NUP188: variants seen among roughly 807,000 people sequenced by gnomAD.
NUP188 encodes nucleoporin 188.
NUP188 carries 97 observed loss-of-function variants against 223.0 expected under a neutral mutation model. That is an observed-to-expected ratio of 0.43 (90% CI 0.37 to 0.51). NUP188 has a LOEUF of 0.51. Ranked by LOEUF, NUP188 falls within the 20% of genes least tolerant of loss-of-function variation. NUP188 has a pLI of 0.00. For missense variants in NUP188, 1,947 were observed against 2,175.6 expected (o/e 0.89, Z 2.09); for synonymous variants, 869 against 828.0 (o/e 1.05, Z -0.85).
At chr9:128,961,147 C>T (rs1308799835) in intron 8 of NUP188, among the ~76,000 whole-genome samples, 1 of 149,546 alleles carries the variant, frequency 6.7e-6, no homozygotes, top group Non-Finnish European at 1.5e-5. Flanking sequence ...TGGTGAAGCC[C>T]TGTCTCTAGT....
In NUP188 at chr9:128,999,783, G is replaced by C. The variant is rs141848819; in HGVS notation, c.3821G>C (p.Arg1274Pro). ...GAGACTGACGACTGTTCTCGGTCCCGGCACAGGGACCAGCGTGATGGGGTG... is the reference window on the plus strand; with the variant it reads ...GAGACTGACGACTGTTCTCGGTCCCCGCACAGGGACCAGCGTGATGGGGTG... ...SMETDDCSRS[R>P]HRDQRDGVCV... Residue 1274 changes from arginine to proline, a missense_variant, in exon 34 of 44, where the codon CGG (arginine) becomes CCG (proline). Around this residue, in one of 3 missense-constraint regions of NUP188, gnomAD observed 905 missense variants for 990.6 expected, o/e 0.91. Transcript: ENST00000372577. 3 of 1,614,062 alleles carry C rather than the reference G, an allele frequency of 1.9e-6. No individual in the cohort carries two copies. The highest frequency in any genetic ancestry group is 1.7e-6 in the Non-Finnish European group (2 of 1,180,036).
intron 12 of NUP188, among the ~76,000 whole-genome samples, chr9:128,979,026 C>T (rs1842218511): frequency 6.6e-6 from 1 of 152,108 alleles, no homozygotes. Context: ...CAATTCTTAA[C>T]CAGTTTTTTC....
At chr9:128,968,364 G>T (rs906954549) in intron 8 of NUP188, 142 bp from the exon 9 acceptor site, 3 of 642,226 alleles carry the variant, frequency 4.7e-6, no homozygotes, top group East Asian at 2.7e-5. Flanking sequence ...TCAGTTGCGT[G>T]TAGCAGTTTG....
intron 3 of NUP188, among the ~76,000 whole-genome samples, chr9:128,955,309 A>T (rs1841853684): frequency 6.6e-6 from 1 of 152,178 alleles, no homozygotes; most frequent in East Asian, 1.9e-4. Context: ...TTTGGAAGTG[A>T]GTACTAAATA....
Position 128,956,360 on chromosome 9 carries a change from G to A in NUP188, c.172G>A (p.Ala58Thr). The change falls in exon 4 of 44, where the codon GCT (alanine) becomes ACT (threonine). Residue 58 changes from alanine (A) to threonine (T), a missense_variant. Coordinates refer to ENST00000372577, the MANE Select transcript of NUP188 (RefSeq NM_015354.3). ...CTGTTCTTTTTGTAGTCCAAGTTCAGCTGAAAAAGTGAAAGCTAATAAAGA... is the reference window on the plus strand; with the variant it reads ...CTGTTCTTTTTGTAGTCCAAGTTCAACTGAAAAAGTGAAAGCTAATAAAGA... Reference protein sequence around the residue: ...SYYKPPSPSSAEKVKANKDVA... With the variant: ...SYYKPPSPSSTEKVKANKDVA... The A allele has an allele frequency of 6.4e-7, 1 of 1,570,864 alleles. No individual in the cohort carries two copies. Among genetic ancestry groups the A allele is most frequent in the East Asian group, 2.3e-5 (1 of 42,838 alleles).
rs1432980032 is a variant in NUP188, at chr9:128,994,399, G to T, written c.3044G>T (p.Ser1015Ile). The change falls in exon 28 of 44, where the codon AGT (serine) becomes ATT (isoleucine). Residue 1015 changes from serine (S) to isoleucine (I), a missense_variant. This residue lies in a region of NUP188 where 905 missense variants were observed against 990.6 expected (regional missense o/e 0.91). Transcript: ENST00000372577. Reference protein sequence around the residue: ...TKPKFWENLTSPLFGTLSPPS... With the variant: ...TKPKFWENLTIPLFGTLSPPS... ...CCCAAGTTTTGGGAAAATTTAACCAGTCCGCTGTTTGGAACCCTTTCTCCT... is the reference window on the plus strand; with the variant it reads ...CCCAAGTTTTGGGAAAATTTAACCATTCCGCTGTTTGGAACCCTTTCTCCT... 1 of 1,613,702 alleles carries T rather than the reference G, an allele frequency of 6.2e-7. No individual in the cohort carries two copies. Among genetic ancestry groups the T allele is most frequent in the African/African-American group, 1.3e-5 (1 of 75,020 alleles).
intron 12 of NUP188, among the ~76,000 whole-genome samples, chr9:128,974,409 T>G (rs1842144099): frequency 6.7e-6 from 1 of 149,214 alleles, no homozygotes; most frequent in African/African-American, 2.5e-5. Flanking sequence ...TTTTTTTTTT[T>G]GAGACAGGGT....
rs151294824 is a variant in NUP188, at chr9:128,994,419, T to C, written c.3064T>C (p.Ser1022Pro). ...AACCAGTCCGCTGTTTGGAACCCTT[T>C]CTCCTCCCTCTGAAACATCAGAGGT... ...NLTSPLFGTL[S>P]PPSETSEPSI... The change falls in exon 28 of 44, where the codon TCT becomes CCT. Residue 1022 changes from serine (S) to proline (P), a missense_variant. Ser to Pro is a moderately conservative substitution (Grantham distance 74). Coordinates refer to ENST00000372577, the MANE Select transcript of NUP188 (RefSeq NM_015354.3). The C allele has an allele frequency of 1.9e-6, 3 of 1,613,550 alleles. No homozygotes were observed. The highest frequency in any genetic ancestry group is 1.7e-6 in the Non-Finnish European group (2 of 1,179,550).
At chr9:128,971,021 A>G (rs1451631760) in intron 11 of NUP188, 63 bp downstream of exon 11, 2 of 1,236,296 alleles carry the variant, frequency 1.6e-6, no homozygotes, top group Admixed American at 1.7e-5. Context: ...ATAATAATGT[A>G]ATAGTTATAA....
At position 128,990,108 on chromosome 9, in the gene NUP188, G is replaced by C. The variant is rs755253218; in HGVS notation, c.2534-12G>C. ...ACACTTGATATCTAAACTGTTTCCT[G>C]TGCTGCTTTAGGTGCTCATGGAAAC... On this transcript the variant is annotated splice_polypyrimidine_tract_variant and intron_variant, in intron 24 of 43. Transcript: ENST00000372577. The C allele has an allele frequency of 3.1e-6, 5 of 1,591,566 alleles. No homozygotes were observed. Among genetic ancestry groups the C allele is most frequent in the Non-Finnish European group, 4.3e-6 (5 of 1,159,454 alleles).
intron 15 of NUP188, 64 bp from the exon 16 acceptor site, chr9:128,982,485 T>C (rs1352580011): frequency 4.4e-6 from 6 of 1,369,460 alleles, no homozygotes; most frequent in Non-Finnish European, 6.1e-6. Flanking sequence ...TATTGATGTC[T>C]GGTAGAGGAG....
In NUP188 at chr9:128,947,714, G is replaced by A. The variant is rs201511915; in HGVS notation, c.-6G>A. The A allele has an allele frequency of 8.7e-5, 128 of 1,471,404 alleles. 1 individual carries two copies. The East Asian group carries it at 3.1e-3, about 36-fold the overall frequency. 91.1% of individuals were successfully genotyped at this position (1,471,404 alleles called of 1,614,324 possible). A position where few individuals can be genotyped will look rare whatever the true frequency, so the allele number is the denominator to read the frequency against. On this transcript the variant is annotated 5_prime_UTR_variant, in exon 1 of 44. Coordinates refer to ENST00000372577, the MANE Select transcript of NUP188 (RefSeq NM_015354.3). ...GGGCGGGGTTAGGGCGAGCGGGCGCGCGAAGATGGCGGCGGCCGCCGGCGG... is the reference window on the plus strand; with the variant it reads ...GGGCGGGGTTAGGGCGAGCGGGCGCACGAAGATGGCGGCGGCCGCCGGCGG...
In NUP188 at chr9:128,970,937, C is replaced by G; in HGVS notation, c.1092C>G (p.Ser364=). Residue 364 remains serine, a synonymous_variant, in exon 11 of 44, where the codon TCC becomes TCG. Coordinates refer to ENST00000372577, the MANE Select transcript of NUP188 (RefSeq NM_015354.3). ...VFQYLTRLLQ[S]LASGGNDCTT... is the part of the protein sequence containing the mutation. ...AGTACTTGACCCGATTGCTCCAGTC[C>G]CTTGCCAGTGGGGGAAATGATGTGA... 1 of 1,613,778 alleles carries G rather than the reference C, an allele frequency of 6.2e-7. No individual in the cohort carries two copies.
chr9:128,967,163 A>G (rs1256295386), intron 8 of NUP188, among the ~76,000 whole-genome samples: 2 of 151,964 alleles, frequency 1.3e-5, no homozygotes, highest in Non-Finnish European at 2.9e-5. Flanking sequence ...ATGCACCTCT[A>G]TGCCTGGCTC....
intron 25 of NUP188, among the ~76,000 whole-genome samples, chr9:128,990,796 C>T (rs1389627945): frequency 2.0e-5 from 3 of 152,136 alleles, no homozygotes; most frequent in Non-Finnish European, 2.9e-5. Flanking sequence ...ACTAGGGAGG[C>T]GGAACTTGCA....
At chr9:128,974,003 T>A (rs781414989) in intron 12 of NUP188, among the ~76,000 whole-genome samples, 5 of 152,120 alleles carry the variant, frequency 3.3e-5, no homozygotes, top group Non-Finnish European at 7.4e-5. Context: ...CTCTGCCTCC[T>A]GGGTTCAAGC....
chr9:128,999,510 T>C, intron 33 of NUP188, 114 bp from the exon 34 acceptor site: 2 of 1,229,080 alleles, frequency 1.6e-6, no homozygotes, highest in Non-Finnish European at 2.3e-6. Context: ...GGACAGATGC[T>C]GTCCCTCCTA....
Position 129,005,639 on chromosome 9 carries a change from T to C in NUP188, c.4738-6T>C. ...GGTCCTGGATGGCTCTTGTCTTTTCTCGCAGTCCCTGGACCTTGCTGAATA... is the reference window on the plus strand; with the variant it reads ...GGTCCTGGATGGCTCTTGTCTTTTCCCGCAGTCCCTGGACCTTGCTGAATA... On this transcript the variant is annotated splice_polypyrimidine_tract_variant and splice_region_variant and intron_variant, in intron 40 of 43. Transcript: ENST00000372577. The C allele has an allele frequency of 6.2e-7, 1 of 1,613,080 alleles. No homozygotes were observed. Among genetic ancestry groups the C allele is most frequent in the Non-Finnish European group, 8.5e-7 (1 of 1,179,388 alleles).
At chr9:128,976,613 G>C (rs948068857) in intron 12 of NUP188, among the ~76,000 whole-genome samples, 1 of 151,864 alleles carries the variant, frequency 6.6e-6, no homozygotes, top group African/African-American at 2.4e-5. Context: ...GGAGGTTGCA[G>C]TGAGCTGAGA....
Sources: allele counts gnomAD v4.1 joint callset (sites outside exome capture counted in the v4.1 genomes callset), GRCh38; gene constraint gnomAD v4.1.1; regional missense constraint gnomAD v4.1.1; transcripts MANE v1.5; gene names NCBI Gene and HGNC (gene_info 2026-07-23, HGNC 2026-07-21).